Variants in RIC8B observed in about 807,000 individuals in gnomAD.
The protein encoded by RIC8B is RIC8 guanine nucleotide exchange factor B, also known as chaperone Ric-8B.
RIC8B carries 16 observed loss-of-function variants against 57.5 expected under a neutral mutation model. The ratio of observed to expected loss-of-function variants is 0.28; its 90% confidence interval spans 0.19 to 0.42. The LOEUF (loss-of-function observed/expected upper bound fraction) is 0.42, where lower values mean the gene tolerates loss of function less well. Ranked by LOEUF, RIC8B falls within the 10% of genes least tolerant of loss-of-function variation. The pLI, the probability that RIC8B is intolerant of heterozygous loss-of-function variation, is 1.00. For missense variants in RIC8B, 481 were observed against 677.0 expected, an observed-to-expected ratio of 0.71 and a Z score of 3.21; for synonymous variants, 216 against 250.8, an observed-to-expected ratio of 0.86 and a Z score of 1.31.
At position 106,842,592 on chromosome 12, in the gene RIC8B, T is replaced by C. The variant is rs1287153170; in HGVS notation, c.840T>C (p.Asn280=). ...TEDKTEELHS[N]AVNLLSNVPV... ...TATTTTTTTAATTGCTTTTCAGCAA[T>C]GCAGTCAACCTTTTAAGCAATGTTC... Residue 280 remains asparagine (N), a synonymous_variant, in exon 5 of 10, where the codon AAT becomes AAC. Transcript: ENST00000392837. The C allele has an allele frequency of 3.7e-6, 6 of 1,611,600 alleles. No individual in the cohort carries two copies. The East Asian group carries it at 1.1e-4, about 30-fold the overall frequency.
rs1421173810 is a variant in RIC8B at position 106,888,963 on chromosome 12, A to C, written c.*2948A>C. The C allele has an allele frequency of 6.6e-6, 1 of 152,154 alleles. No individual in the cohort carries two copies. The highest frequency in any genetic ancestry group is 6.5e-5 in the Admixed American group (1 of 15,268). The allele number at this position is 152,154 out of a possible 1,614,324, so 9.4% of individuals were successfully genotyped here. Reference sequence around the variant, plus strand: ...TCTTTATAAATGAGGACACAGAATGAGGCAGTACAAGTGACTCTAAACACC... The same window carrying C: ...TCTTTATAAATGAGGACACAGAATGCGGCAGTACAAGTGACTCTAAACACC... On this transcript the variant is annotated 3_prime_UTR_variant, in exon 10 of 10. Coordinates refer to ENST00000392837, the MANE Select transcript of RIC8B (RefSeq NM_001330145.2).
At chr12:106,883,371 C>A (rs991364094) in intron 9 of RIC8B, among the ~76,000 whole-genome samples, 1 of 152,108 alleles carries the variant, frequency 6.6e-6, no homozygotes, top group Admixed American at 6.6e-5. Context: ...ATGTAATTTA[C>A]GTCAGTGCTA....
At chr12:106,817,539 G>T (rs2045626845) in intron 3 of RIC8B, among the ~76,000 whole-genome samples, 1 of 152,112 alleles carries the variant, frequency 6.6e-6, no homozygotes, top group African/African-American at 2.4e-5. Context: ...AAATCTCTCG[G>T]CCAGGCGTGG....
chr12:106,859,248 A>G (rs1200836875), intron 7 of RIC8B, among the ~76,000 whole-genome samples: 4 of 152,158 alleles, frequency 2.6e-5, no homozygotes, highest in African/African-American at 9.7e-5. Context: ...GAAGAAAATG[A>G]AATACTGCTA....
intron 2 of RIC8B, among the ~76,000 whole-genome samples, chr12:106,807,889 C>A (rs940086862): frequency 1.3e-5 from 2 of 152,090 alleles, no homozygotes; most frequent in Admixed American, 6.5e-5. Flanking sequence ...AGTTCGAGAC[C>A]AGCCTGGCCA....
At position 106,888,820 on chromosome 12, in the gene RIC8B, G is replaced by GT. The variant is rs1427819169; in HGVS notation, c.*2806dup. On this transcript the variant is annotated 3_prime_UTR_variant, in exon 10 of 10. Transcript: ENST00000392837. The stretch of plus-strand genomic sequence containing the variant: ...GACCTTGGAAGCAGGGTACGGAGGC[G>GT]TGTGTCCTAAAATAAAGCATTTGAG... 1 of 152,232 alleles carries GT rather than the reference G, an allele frequency of 6.6e-6. No individual in the cohort carries two copies. Among genetic ancestry groups the GT allele is most frequent in the Non-Finnish European group, 1.5e-5 (1 of 68,052 alleles). The allele number at this position is 152,232 out of a possible 1,614,324, so 9.4% of individuals were successfully genotyped here. A position where few individuals can be genotyped will look rare whatever the true frequency, so the allele number is the denominator to read the frequency against.
At chr12:106,852,173 G>A (rs1283216548) in intron 7 of RIC8B, among the ~76,000 whole-genome samples, 3 of 152,162 alleles carry the variant, frequency 2.0e-5, no homozygotes, top group African/African-American at 7.2e-5. Context: ...TATATAAAGT[G>A]ATTGTCTACT....
At chr12:106,777,953 A>T (rs2043568974) in intron 1 of RIC8B, among the ~76,000 whole-genome samples, 1 of 152,172 alleles carries the variant, frequency 6.6e-6, no homozygotes, top group Non-Finnish European at 1.5e-5. Context: ...GTGTGACCCT[A>T]AACGAGTTAC....
intron 9 of RIC8B, chr12:106,874,671 A>C (rs911888396): frequency 2.3e-6 from 2 of 881,538 alleles, no homozygotes; most frequent in Non-Finnish European, 3.5e-6. Context: ...TTACATTTCT[A>C]TTTTGCCTCC....
At chr12:106,778,749 GAA>G (rs1566023263) in intron 1 of RIC8B, among the ~76,000 whole-genome samples, 1 of 152,140 alleles carries the variant, frequency 6.6e-6, no homozygotes, top group East Asian at 1.9e-4. Context: ...TTTGAGCACA[GAA>G]AAAGTTTCTT....
intron 2 of RIC8B, among the ~76,000 whole-genome samples, chr12:106,790,570 A>G (rs940922403): frequency 1.3e-5 from 2 of 152,190 alleles, no homozygotes; most frequent in African/African-American, 4.8e-5. Flanking sequence ...ATGTCATGCA[A>G]ATATGTAGGA....
chr12:106,808,410 C>T (rs2045162240), intron 2 of RIC8B, among the ~76,000 whole-genome samples: 1 of 152,090 alleles, frequency 6.6e-6, no homozygotes, highest in African/African-American at 2.4e-5. Context: ...CTCAGTTTTG[C>T]TACCTTATAT....
intron 3 of RIC8B, among the ~76,000 whole-genome samples, chr12:106,824,985 C>T (rs947597180): frequency 3.3e-5 from 5 of 151,936 alleles, no homozygotes; most frequent in African/African-American, 1.2e-4. Flanking sequence ...TATGGCATAT[C>T]CAGGCTCTCT....
At chr12:106,800,621 G>A (rs1593133297) in intron 2 of RIC8B, among the ~76,000 whole-genome samples, 1 of 152,152 alleles carries the variant, frequency 6.6e-6, no homozygotes, top group Non-Finnish European at 1.5e-5. Flanking sequence ...CTGGGGGCAT[G>A]GGACACAAAC....
chr12:106,793,836 TAAAC>T (rs1484156183), intron 2 of RIC8B, among the ~76,000 whole-genome samples: 7 of 144,000 alleles, frequency 4.9e-5, no homozygotes, highest in South Asian at 4.2e-4. Context: ...ACTAAACAAA[TAAAC>T]AAATACAATA....
chr12:106,795,697 TG>T (rs1192826107), intron 2 of RIC8B, among the ~76,000 whole-genome samples: 1 of 152,188 alleles, frequency 6.6e-6, no homozygotes, highest in Admixed American at 6.5e-5. Context: ...ACTGCTGGCA[TG>T]TATGTCTGCA....
At chr12:106,877,964 A>G (rs963982764) in intron 9 of RIC8B, among the ~76,000 whole-genome samples, 1 of 152,176 alleles carries the variant, frequency 6.6e-6, no homozygotes, top group Non-Finnish European at 1.5e-5. Flanking sequence ...TAAAGTGGAA[A>G]GACATGGTGA....
intron 8 of RIC8B, 27 bp downstream of exon 8, chr12:106,860,439 A>T: frequency 6.8e-7 from 1 of 1,478,580 alleles, no homozygotes; most frequent in Non-Finnish European, 9.0e-7. Flanking sequence ...CTTTTCACCT[A>T]ACTATGGCTG....
At chr12:106,774,866 C>T in intron 1 of RIC8B, 37 bp downstream of exon 1, 3 of 1,456,790 alleles carry the variant, frequency 2.1e-6, no homozygotes, top group Non-Finnish European at 2.8e-6. Flanking sequence ...GGTATCGCAC[C>T]CCCGGGCCGC....
Sources: gnomAD v4.1 joint callset for allele counts (sites outside exome capture counted in the v4.1 genomes callset) on GRCh38, gnomAD v4.1.1 for gene constraint, MANE v1.5 for transcripts, NCBI Gene and HGNC (gene_info 2026-07-23, HGNC 2026-07-21) for gene names.